The following ADGRB3 variants were observed in gnomAD, a reference collection of about 807,000 sequenced individuals.
ADGRB3 encodes the protein brain-specific angiogenesis inhibitor 3.
ADGRB3 carries 37 observed loss-of-function variants against 193.4 expected under a neutral mutation model. The observed-to-expected ratio is 0.19, with a 90% CI of 0.15 to 0.25. The LOEUF is 0.25. ADGRB3 is among the 10% of genes least tolerant of loss of function. The probability of loss-of-function intolerance (pLI) is 1.00; values close to 1 mark genes in which losing one functional copy is unlikely to be tolerated. For missense variants in ADGRB3, 1,637 were observed against 1,852.9 expected, an observed-to-expected ratio of 0.88 and a Z score of 2.14; for synonymous variants, 690 against 644.2, an observed-to-expected ratio of 1.07 and a Z score of -1.08.
intron 30 of ADGRB3, among the ~76,000 whole-genome samples, chr6:69,380,370 C>T (rs1347683525): frequency 2.0e-5 from 3 of 151,884 alleles, no homozygotes; most frequent in African/African-American, 7.2e-5. Context: ...AGTCAGAATC[C>T]TCACAAGATG....
At chr6:68,878,030 A>T (rs1166264578) in intron 3 of ADGRB3, among the ~76,000 whole-genome samples, 1 of 152,016 alleles carries the variant, frequency 6.6e-6, no homozygotes, top group Non-Finnish European at 1.5e-5. Context: ...TTTTACAGAG[A>T]CTCATGTCAG....
chr6:68,676,417 G>GGA (rs1213831665), intron 3 of ADGRB3, among the ~76,000 whole-genome samples: 1 of 147,934 alleles, frequency 6.8e-6, no homozygotes, highest in Non-Finnish European at 1.5e-5. Context: ...AAAAAGAAAA[G>GGA]GAGAGAGAGA....
In ADGRB3 at chr6:69,023,523, T is replaced by TG. The variant is rs1436455676; in HGVS notation, c.2107+5028dup. Reference sequence around the variant, plus strand: ...GAGATGTCAAAGTTGAAATTGTGCTTGGGGAAAAAAATGGCCTATTTTAAT... The same window carrying TG: ...GAGATGTCAAAGTTGAAATTGTGCTTGGGGGAAAAAAATGGCCTATTTTAAT... On this transcript the variant is annotated intron_variant, in intron 13 of 31. Transcript: ENST00000370598. Among the ~76,000 whole-genome samples the TG allele has an allele frequency of 6.6e-5, 10 of 152,130 alleles. 1 individual carries two copies. In the South Asian group the frequency reaches 2.1e-3, roughly 31 times the overall value.
intron 3 of ADGRB3, among the ~76,000 whole-genome samples, chr6:68,816,514 T>A (rs1767633941): frequency 6.6e-6 from 1 of 152,024 alleles, no homozygotes; most frequent in Admixed American, 6.6e-5. Context: ...GATTTACAAG[T>A]TCTTATTTAT....
intron 3 of ADGRB3, among the ~76,000 whole-genome samples, chr6:68,801,193 CA>C (rs1237748999): frequency 1.3e-5 from 2 of 152,180 alleles, no homozygotes; most frequent in Non-Finnish European, 2.9e-5. Context: ...GAAGTTTCAA[CA>C]ACAAACTTTC....
At chr6:68,669,638 GTGTGTGTGTGTGTA>G (rs1768895281) in intron 3 of ADGRB3, among the ~76,000 whole-genome samples, 1 of 150,302 alleles carries the variant, frequency 6.7e-6, no homozygotes, top group African/African-American at 2.5e-5. Flanking sequence ...GTGTGTGTGT[GTGTGTGTGTGTGTA>G]TACCAAATTT....
intron 20 of ADGRB3, among the ~76,000 whole-genome samples, chr6:69,284,632 C>CT (rs1767510057): frequency 6.6e-6 from 1 of 151,848 alleles, no homozygotes. Flanking sequence ...TGAAGCAGGA[C>CT]TTTGTTTCCC....
chr6:68,679,595 G>A (rs1764843425), intron 3 of ADGRB3, among the ~76,000 whole-genome samples: 1 of 152,030 alleles, frequency 6.6e-6, no homozygotes, highest in Admixed American at 6.6e-5. Flanking sequence ...TGGGCAACGT[G>A]CCATCCACCA....
intron 3 of ADGRB3, among the ~76,000 whole-genome samples, chr6:68,903,552 CT>C (rs1350596168): frequency 6.6e-6 from 1 of 152,082 alleles, no homozygotes; most frequent in African/African-American, 2.4e-5. Flanking sequence ...ATACTTGCAA[CT>C]GAATTGCTGC....
chr6:69,266,989 C>T (rs954674062), intron 20 of ADGRB3, among the ~76,000 whole-genome samples: 4 of 151,952 alleles, frequency 2.6e-5, no homozygotes, highest in Admixed American at 2.0e-4. Flanking sequence ...TGTATAAGGT[C>T]GTGATGCCCT....
At chr6:68,814,754 C>T (rs942546359) in intron 3 of ADGRB3, among the ~76,000 whole-genome samples, 3 of 138,520 alleles carry the variant, frequency 2.2e-5, no homozygotes, top group African/African-American at 5.9e-5. Flanking sequence ...ACTGGCAAAC[C>T]GAATCCAGCA....
In ADGRB3 at chr6:68,993,933, A is replaced by C; in HGVS notation, c.1900A>C (p.Ser634Arg). ...TGTGACAGACACATTTAAAAGGGCA[A>C]GTTACATCCCTGCATCTGATGGTGT... ...RNVTDTFKRA[S>R]YIPASDGVQN... The change falls in exon 11 of 32, where the codon AGT becomes CGT. Residue 634 changes from serine to arginine, a missense_variant. Around this residue, in one of 7 missense-constraint regions of ADGRB3, gnomAD observed 641 missense variants for 673.9 expected, o/e 0.95. Coordinates refer to ENST00000370598, the MANE Select transcript of ADGRB3 (RefSeq NM_001704.3). The C allele has an allele frequency of 6.2e-7, 1 of 1,613,812 alleles. No individual in the cohort carries two copies. The highest frequency in any genetic ancestry group is 8.5e-7 in the Non-Finnish European group (1 of 1,179,796).
chr6:68,790,225 G>C (rs60915594), intron 3 of ADGRB3, among the ~76,000 whole-genome samples: 1 of 152,026 alleles, frequency 6.6e-6, no homozygotes, highest in Admixed American at 6.6e-5. Flanking sequence ...CTAGCACAGC[G>C]TCCGAGATCA....
intron 10 of ADGRB3, among the ~76,000 whole-genome samples, chr6:68,977,331 CTT>C (rs1316383575): frequency 6.6e-6 from 1 of 151,438 alleles, no homozygotes; most frequent in Non-Finnish European, 1.5e-5. Flanking sequence ...AGTCATTAGA[CTT>C]TGTTTAATTA....
In ADGRB3 at chr6:69,178,354, G is replaced by A. The variant is rs1775487781; in HGVS notation, c.2481-54936G>A. Among the ~76,000 whole-genome samples the A allele has an allele frequency of 1.3e-5, 2 of 152,122 alleles. 1 individual carries two copies. Among genetic ancestry groups the A allele is most frequent in the South Asian group, 4.1e-4 (2 of 4,832 alleles). On this transcript the variant is annotated intron_variant, in intron 17 of 31. Transcript: ENST00000370598. ...ACATTACAGGTGTGATGGGTCTCTTGAAGACAGTAGACAAATGGTTCTTGG... is the reference window on the plus strand; with the variant it reads ...ACATTACAGGTGTGATGGGTCTCTTAAAGACAGTAGACAAATGGTTCTTGG...
intron 3 of ADGRB3, among the ~76,000 whole-genome samples, chr6:68,790,208 A>G (rs1447348317): frequency 6.6e-6 from 1 of 152,178 alleles, no homozygotes; most frequent in Non-Finnish European, 1.5e-5. Flanking sequence ...CAACAGAGAC[A>G]AAATTGCTAG....
At chr6:69,196,422 T>C (rs1336842970) in intron 17 of ADGRB3, among the ~76,000 whole-genome samples, 1 of 152,112 alleles carries the variant, frequency 6.6e-6, no homozygotes, top group Non-Finnish European at 1.5e-5. Flanking sequence ...TTCCGCAGGC[T>C]GTGAGTTCAA....
chr6:68,901,534 G>T (rs1479508557), intron 3 of ADGRB3, among the ~76,000 whole-genome samples: 2 of 152,128 alleles, frequency 1.3e-5, no homozygotes, highest in South Asian at 2.1e-4. Flanking sequence ...AGGATGTGGA[G>T]GTCATTGGGA....
At chr6:68,734,623 G>A (rs1379154984) in intron 3 of ADGRB3, among the ~76,000 whole-genome samples, 1 of 151,956 alleles carries the variant, frequency 6.6e-6, no homozygotes, top group Non-Finnish European at 1.5e-5. Context: ...TGTGAACACT[G>A]GGAGGATGGT....
Sources: gnomAD v4.1 joint callset for allele counts (sites outside exome capture counted in the v4.1 genomes callset) on GRCh38, gnomAD v4.1.1 for gene constraint, gnomAD v4.1.1 regional missense constraint, MANE v1.5 for transcripts, NCBI Gene and HGNC (gene_info 2026-07-23, HGNC 2026-07-21) for gene names.